The following RPL26L1 variants were observed in gnomAD, a reference collection of about 807,000 sequenced individuals.
RPL26L1 encodes ribosomal protein uL24-like.
A neutral mutation model predicts 15.2 loss-of-function variants in RPL26L1; 8 were observed. That is an observed-to-expected ratio of 0.53 (90% CI 0.31 to 0.95). The LOEUF is 0.95. Ranked by LOEUF, RPL26L1 falls within the 40% of genes least tolerant of loss-of-function variation. The pLI, the probability that RPL26L1 is intolerant of heterozygous loss-of-function variation, is 0.05. For missense variants in RPL26L1, 146 were observed against 190.9 expected, an observed-to-expected ratio of 0.76 and a Z score of 1.39; for synonymous variants, 51 against 65.9, an observed-to-expected ratio of 0.77 and a Z score of 1.09.
chr5:172,959,515 G>A, intron 1 of RPL26L1, 47 bp downstream of exon 1: 3 of 1,077,162 alleles, frequency 2.8e-6, no homozygotes, highest in South Asian at 2.7e-5. Context: ...CTACCGCCCC[G>A]TGAGACCCTG....
At chr5:172,956,216 A>G (rs72814120), upstream of RPL26L1, among the ~76,000 whole-genome samples, 13,737 of 152,296 alleles carry the variant, frequency 0.09, 699 homozygotes, top group South Asian at 0.13. Flanking sequence ...ATCAGAGATG[A>G]TCATTTAATG....
rs2113524360 is a variant in RPL26L1, at chr5:172,959,870, C to T, written c.-4C>T. ...TCTCTCTCCGCCCTTTGTAGAGGGTCACCATGAAGTTCAATCCCTTCGTTA... is the reference window on the plus strand; with the variant it reads ...TCTCTCTCCGCCCTTTGTAGAGGGTTACCATGAAGTTCAATCCCTTCGTTA... On this transcript the variant is annotated 5_prime_UTR_variant, in exon 2 of 4. Transcript: ENST00000265100. 6.2e-7 allele frequency: 1 copy of T among 1,614,056 alleles called. No individual in the cohort carries two copies. The highest frequency in any genetic ancestry group is 1.6e-4 in the Middle Eastern group (1 of 6,062).
upstream of RPL26L1, chr5:172,957,631 A>ATGAG (rs771373598): frequency 8.2e-6 from 2 of 242,684 alleles, no homozygotes; most frequent in Non-Finnish European, 8.3e-6. Flanking sequence ...GAGTGAATGA[A>ATGAG]TGAGTGAATG....
upstream of RPL26L1, chr5:172,956,916 C>T (rs907066625): frequency 9.6e-5 from 23 of 238,652 alleles, no homozygotes; most frequent in African/African-American, 1.9e-4. Context: ...CCAGCCTGGG[C>T]GACAGAGCGA....
chr5:172,954,873 G>A (rs1204708703), upstream of RPL26L1: 1 of 452,362 alleles, frequency 2.2e-6, no homozygotes, highest in Non-Finnish European at 4.5e-6. Flanking sequence ...TTTCATATAA[G>A]AGGATTTCTA....
upstream of RPL26L1, chr5:172,958,412 T>A (rs1702006222): frequency 4.4e-6 from 2 of 456,134 alleles, no homozygotes; most frequent in Non-Finnish European, 8.8e-6. Context: ...CTTCCCTCTC[T>A]GAGTTTCAGC....
intron 2 of RPL26L1, among the ~76,000 whole-genome samples, chr5:172,963,992 G>C (rs1047064933): frequency 6.6e-6 from 1 of 152,112 alleles, no homozygotes; most frequent in Non-Finnish European, 1.5e-5. Context: ...CTGACACTTA[G>C]AGAGGAGAAG....
intron 2 of RPL26L1, among the ~76,000 whole-genome samples, chr5:172,967,467 A>T (rs1755500470): frequency 6.6e-6 from 1 of 151,958 alleles, no homozygotes; most frequent in Non-Finnish European, 1.5e-5. Flanking sequence ...CTCCGTGTCA[A>T]AAATAAATAA....
chr5:172,963,769 T>G lies in RPL26L1; in HGVS notation c.168+3728T>G, dbSNP rs548413950. On this transcript the variant is annotated intron_variant, in intron 2 of 3. Coordinates refer to ENST00000265100, the MANE Select transcript of RPL26L1 (RefSeq NM_016093.4). ...ACACAGTAAAATGCACAGGTCAGTT[T>G]TGGCAAATGTAAAACCAAATAGCCA... is the stretch of plus-strand genomic sequence containing the variant. 1.6e-3 allele frequency among the ~76,000 whole-genome samples: 240 copies of G among 152,358 alleles called. 2 individuals carry two copies. Among genetic ancestry groups the G allele is most frequent in the African/African-American group, 5.6e-3 (231 of 41,580 alleles).
At chr5:172,964,281 C>CTTTTTTTTTTTTTTT (rs1204432096) in intron 2 of RPL26L1, among the ~76,000 whole-genome samples, 1 of 99,234 alleles carries the variant, frequency 1.0e-5, no homozygotes, top group African/African-American at 3.6e-5. Context: ...GGCCTGTTGC[C>CTTTTTTTTTTTTTTT]TTTTTTTTTT....
chr5:172,964,877 C>T (rs955339305), intron 2 of RPL26L1, among the ~76,000 whole-genome samples: 34 of 152,200 alleles, frequency 2.2e-4, no homozygotes, highest in African/African-American at 8.2e-4. Flanking sequence ...TCTTTCCCTT[C>T]TGTTACAATG....
At chr5:172,965,431 C>T (rs1755415983) in intron 2 of RPL26L1, among the ~76,000 whole-genome samples, 1 of 152,176 alleles carries the variant, frequency 6.6e-6, no homozygotes. Flanking sequence ...ACATCTATCC[C>T]CTTCTCATCT....
chr5:172,960,908 TG>T (rs567139851), intron 2 of RPL26L1, among the ~76,000 whole-genome samples: 1 of 106,474 alleles, frequency 9.4e-6, no homozygotes, highest in South Asian at 3.8e-4. Flanking sequence ...ATAATTGTTG[TG>T]GGGGGTGGGG....
chr5:172,967,836 A>G (rs1755519866), intron 2 of RPL26L1, among the ~76,000 whole-genome samples: 1 of 129,182 alleles, frequency 7.7e-6, no homozygotes, highest in Admixed American at 7.5e-5. Flanking sequence ...TATGTATGAC[A>G]TATATGTATG....
intron 2 of RPL26L1, among the ~76,000 whole-genome samples, chr5:172,965,962 G>T (rs1424408312): frequency 6.6e-6 from 1 of 151,968 alleles, no homozygotes; most frequent in Non-Finnish European, 1.5e-5. Flanking sequence ...TCTGCATCTG[G>T]CAATGGCATT....
rs141024154 is a variant in RPL26L1 at position 172,967,845 on chromosome 5, T to C, written c.169-614T>C. Among the ~76,000 whole-genome samples, 188 of 151,736 alleles carry C rather than the reference T, an allele frequency of 1.2e-3. 1 individual carries two copies. Among genetic ancestry groups the C allele is most frequent in the African/African-American group, 3.7e-3 (153 of 41,432 alleles). ...TATATGTATGTATGACATATATGTA[T>C]GTTACATATAAGTACATATGTGTAT... On this transcript the variant is annotated intron_variant, in intron 2 of 3. Coordinates refer to ENST00000265100, the MANE Select transcript of RPL26L1 (RefSeq NM_016093.4).
At chr5:172,964,577 C>T (rs1561757295) in intron 2 of RPL26L1, among the ~76,000 whole-genome samples, 1 of 152,188 alleles carries the variant, frequency 6.6e-6, no homozygotes, top group African/African-American at 2.4e-5. Flanking sequence ...TGAGCCACCA[C>T]GCCCGGCTGC....
intron 2 of RPL26L1, among the ~76,000 whole-genome samples, chr5:172,967,021 A>G (rs1755484953): frequency 6.6e-6 from 1 of 151,786 alleles, no homozygotes; most frequent in Non-Finnish European, 1.5e-5. Context: ...ACGCCCAGCT[A>G]ATTTTTGTAT....
At chr5:172,968,792 G>A (rs1755572276) in intron 3 of RPL26L1, among the ~76,000 whole-genome samples, 193 bp downstream of exon 3, 2 of 145,162 alleles carry the variant, frequency 1.4e-5, no homozygotes, top group Non-Finnish European at 3.0e-5. Flanking sequence ...CTTTCTTGGT[G>A]ATGGCTGTGT....
Sources: allele counts gnomAD v4.1 joint callset (sites outside exome capture counted in the v4.1 genomes callset), GRCh38; gene constraint gnomAD v4.1.1; transcripts MANE v1.5; gene names NCBI Gene and HGNC (gene_info 2026-07-23, HGNC 2026-07-21).